The following RPS6KA2 variants were observed in gnomAD, a reference collection of about 807,000 sequenced individuals.
RPS6KA2 encodes ribosomal protein S6 kinase alpha-2.
In RPS6KA2, 42 loss-of-function variants were observed where a neutral mutation model predicts 91.8. The ratio of observed to expected loss-of-function variants is 0.46; its 90% CI spans 0.36 to 0.59. The LOEUF is 0.59. Among genes scored for constraint, RPS6KA2 ranks in the 20% least tolerant of loss-of-function variants. RPS6KA2 has a pLI of 0.00. For synonymous variants in RPS6KA2, 414 were observed against 393.6 expected (o/e 1.05, Z -0.61); for missense variants, 798 against 978.5 (o/e 0.82, Z 2.46).
intron 16 of RPS6KA2, among the ~76,000 whole-genome samples, 183 bp downstream of exon 16, chr6:166,430,270 G>A (rs1405050478): frequency 1.3e-5 from 2 of 152,068 alleles, no homozygotes; most frequent in Non-Finnish European, 2.9e-5. Context: ...ACCCGGCTGG[G>A]AAGAGAATTT....
At position 166,495,961 on chromosome 6, in the gene RPS6KA2, G is replaced by T. The variant is rs182283326; in HGVS notation, c.747+2547C>A. ...TTTCCTCTTCTTCTGGCCCCTCGTC[G>T]TGTCTCCATCTTTGGATCATTCCTC... On this transcript the variant is annotated intron_variant, in intron 8 of 20. Transcript: ENST00000265678. This position sits in a 1 kb window ranked among gnomAD's most constrained non-coding sequence, Gnocchi z 4.4. 6.6e-6 allele frequency among the ~76,000 whole-genome samples: 1 copy of T among 152,196 alleles called. No homozygotes were observed. The highest frequency in any genetic ancestry group is 2.4e-5 in the African/African-American group (1 of 41,426).
chr6:166,789,221 T>C (rs540225082), intron 2 of RPS6KA2, among the ~76,000 whole-genome samples: 1 of 152,328 alleles, frequency 6.6e-6, no homozygotes, highest in Admixed American at 6.5e-5. Context: ...ATCCCACACC[T>C]GGCTCGGAGG....
chr6:166,564,936 C>T (rs189546182), intron 1 of RPS6KA2, among the ~76,000 whole-genome samples: 1 of 152,244 alleles, frequency 6.6e-6, no homozygotes, highest in East Asian at 1.9e-4. Flanking sequence ...TATGTCTGAG[C>T]CGTCATCTGT....
chr6:166,517,455 G>GTTTTGTTTTTTTT (rs1562550744), intron 3 of RPS6KA2, among the ~76,000 whole-genome samples: 1 of 104,938 alleles, frequency 9.5e-6, no homozygotes, highest in African/African-American at 4.4e-5. Context: ...CTTTTGTTTT[G>GTTTTGTTTTTTTT]TTTTTTTTTT....
chr6:166,635,527 A>C lies in RPS6KA2; in HGVS notation c.124-96743T>G, dbSNP rs2128547481. 6.6e-6 allele frequency among the ~76,000 whole-genome samples: 1 copy of C among 152,350 alleles called. No homozygotes were observed. The highest frequency in any genetic ancestry group is 2.4e-5 in the African/African-American group (1 of 41,590). ...ACAGACAAGGGTGTTCCGTCAGGGAAGCTCAGGCTAAAGGCCAGTGAGAGC... is the reference window on the plus strand; with the variant it reads ...ACAGACAAGGGTGTTCCGTCAGGGACGCTCAGGCTAAAGGCCAGTGAGAGC... On this transcript the variant is annotated intron_variant, in intron 2 of 21. Coordinates refer to the RPS6KA2 transcript ENST00000503859. The surrounding 1 kb of genome is among the most constrained non-coding windows in gnomAD (Gnocchi z 4.8).
chr6:166,759,768 C>T (rs1374121069), intron 2 of RPS6KA2, among the ~76,000 whole-genome samples: 1 of 152,242 alleles, frequency 6.6e-6, no homozygotes, highest in African/African-American at 2.4e-5. Flanking sequence ...TCTTCTCATA[C>T]CGTCTACCGC....
Position 166,433,631 on chromosome 6 carries a change from C to A in RPS6KA2, c.1333-1141G>T, listed in dbSNP as rs111611440. 9.6e-3 allele frequency among the ~76,000 whole-genome samples: 1,467 copies of A among 152,308 alleles called. 10 individuals carry two copies. Among genetic ancestry groups the A allele is most frequent in the Middle Eastern group, 0.024 (7 of 294 alleles). ...TTGTACTATTCTCACATTAGTTCAA[C>A]CTAATTTTAAAATAGTCTCTATTTG... is the stretch of plus-strand genomic sequence containing the variant. On this transcript the variant is annotated intron_variant, in intron 14 of 20. Transcript: ENST00000265678. The surrounding 1 kb of genome is among the most constrained non-coding windows in gnomAD (Gnocchi z 4.4).
intron 2 of RPS6KA2, among the ~76,000 whole-genome samples, chr6:166,647,988 ACG>A (rs1562362787): frequency 4.8e-5 from 5 of 104,652 alleles, no homozygotes; most frequent in Non-Finnish European, 9.4e-5. Context: ...GCTCACACAC[ACG>A]CACATGCTCA....
chr6:166,860,225 A>AATAGGAATTTAACACTGG (rs1255135756), intron 1 of RPS6KA2, among the ~76,000 whole-genome samples: 1 of 152,220 alleles, frequency 6.6e-6, no homozygotes, highest in Non-Finnish European at 1.5e-5. Context: ...GTTCCAAGTA[A>AATAGGAATTTAACACTGG]ATAGGAATTT....
chr6:166,713,649 A>C (rs1333715056), intron 2 of RPS6KA2, among the ~76,000 whole-genome samples: 1 of 152,254 alleles, frequency 6.6e-6, no homozygotes, highest in Non-Finnish European at 1.5e-5. Flanking sequence ...TGCACGATTT[A>C]TGTGTTCTGG....
At chr6:166,599,862 C>A (rs1262198900) in intron 1 of RPS6KA2, among the ~76,000 whole-genome samples, 1 of 151,408 alleles carries the variant, frequency 6.6e-6, no homozygotes, top group Admixed American at 6.6e-5. Context: ...ATCCTCCATG[C>A]GTCACTCTCA....
chr6:166,464,805 G>A (rs1038655454), intron 11 of RPS6KA2, among the ~76,000 whole-genome samples: 4 of 152,158 alleles, frequency 2.6e-5, no homozygotes, highest in Non-Finnish European at 5.9e-5. Context: ...AGCTCATCAA[G>A]CAGAGCTGGC....
In RPS6KA2 at chr6:166,770,353, G is replaced by C. The variant is rs1367991233; in HGVS notation, c.123+87847C>G. ...TATTTTAGTCCTAATTCCTAGAAAA[G>C]CTGTTGCTGAGCCACACGCACTAGA... On this transcript the variant is annotated intron_variant, in intron 2 of 21. Coordinates refer to the RPS6KA2 transcript ENST00000503859. This position sits in a 1 kb window ranked among gnomAD's most constrained non-coding sequence, Gnocchi z 5.1. Among the ~76,000 whole-genome samples the C allele has an allele frequency of 6.6e-6, 1 of 152,166 alleles. No individual in the cohort carries two copies. Among genetic ancestry groups the C allele is most frequent in the Non-Finnish European group, 1.5e-5 (1 of 68,036 alleles).
chr6:166,749,773 A>G (rs1292747099), intron 2 of RPS6KA2, among the ~76,000 whole-genome samples: 2 of 101,560 alleles, frequency 2.0e-5, no homozygotes, highest in African/African-American at 7.7e-5. Context: ...TCAGGCCCCC[A>G]TTTCCTCAGG....
At chr6:166,765,725 A>G (rs1383749748) in intron 2 of RPS6KA2, among the ~76,000 whole-genome samples, 1 of 152,234 alleles carries the variant, frequency 6.6e-6, no homozygotes, top group Non-Finnish European at 1.5e-5. Context: ...GGGGCTAAGC[A>G]TCACATTTTA....
chr6:166,488,756 G>C (rs994267059), intron 10 of RPS6KA2, 77 bp downstream of exon 10: 3 of 1,125,186 alleles, frequency 2.7e-6, no homozygotes, highest in Non-Finnish European at 2.6e-6. Context: ...CAGGAGGGTG[G>C]CCCTCCACAT....
chr6:166,753,504 T>C (rs1431518245), intron 2 of RPS6KA2, among the ~76,000 whole-genome samples: 1 of 152,218 alleles, frequency 6.6e-6, no homozygotes, highest in Non-Finnish European at 1.5e-5. Context: ...TACATGTTCT[T>C]CCACAGCTAT....
intron 2 of RPS6KA2, among the ~76,000 whole-genome samples, chr6:166,830,431 G>A (rs1438156673): frequency 6.6e-6 from 1 of 152,148 alleles, no homozygotes; most frequent in African/African-American, 2.4e-5. Flanking sequence ...TTCTGGAGGT[G>A]GATGGTGGTG....
At chr6:166,789,875 T>C (rs1779036642) in intron 2 of RPS6KA2, among the ~76,000 whole-genome samples, 1 of 151,916 alleles carries the variant, frequency 6.6e-6, no homozygotes, top group Non-Finnish European at 1.5e-5. Flanking sequence ...ATCACCATCA[T>C]CAAAGACCAA....
Sources: allele counts gnomAD v4.1 joint callset (sites outside exome capture counted in the v4.1 genomes callset), GRCh38; gene constraint gnomAD v4.1.1; non-coding constraint Gnocchi (gnomAD v3.1); transcripts MANE v1.5; gene names NCBI Gene and HGNC (gene_info 2026-07-23, HGNC 2026-07-21).